The following PHACTR1 variants were observed in gnomAD, a reference collection of about 807,000 sequenced individuals.
PHACTR1 encodes RPEL repeat containing 1.
PHACTR1 carries 16 observed loss-of-function variants against 69.2 expected under a neutral mutation model. That is an observed-to-expected ratio of 0.23 (90% CI 0.16 to 0.35). PHACTR1 has a LOEUF of 0.35. PHACTR1 is among the 10% of genes least tolerant of loss of function. The pLI, the probability that PHACTR1 is intolerant of heterozygous loss-of-function variation, is 1.00. For missense variants in PHACTR1, 510 were observed against 734.7 expected (o/e 0.69, Z 3.54); for synonymous variants, 312 against 284.5 (o/e 1.10, Z -0.97).
At chr6:13,063,675 G>A (rs1346323709) in intron 5 of PHACTR1, among the ~76,000 whole-genome samples, 1 of 152,082 alleles carries the variant, frequency 6.6e-6, no homozygotes, top group Non-Finnish European at 1.5e-5. Context: ...AGCTGCTGGG[G>A]AGGCTAAGGT....
chr6:13,023,355 C>T (rs1203574753), intron 4 of PHACTR1, among the ~76,000 whole-genome samples: 1 of 152,182 alleles, frequency 6.6e-6, no homozygotes, highest in Non-Finnish European at 1.5e-5. Context: ...CTAATCCCCA[C>T]CTAAGAGTTA....
At chr6:12,818,213 T>TATTATTTCTC (rs796866169) in intron 4 of PHACTR1, among the ~76,000 whole-genome samples, 4 of 152,260 alleles carry the variant, frequency 2.6e-5, no homozygotes, top group African/African-American at 9.6e-5. Flanking sequence ...AAACAATGTT[T>TATTATTTCTC]ATTATTTCTC....
chr6:13,268,803 C>T (rs1328158255), intron 10 of PHACTR1, among the ~76,000 whole-genome samples: 1 of 152,184 alleles, frequency 6.6e-6, no homozygotes. Context: ...GCCCTTCTGG[C>T]GGGCTCAGCT....
chr6:13,162,275 TTTTGTTTGTTTG>T (rs144466160), intron 6 of PHACTR1, among the ~76,000 whole-genome samples: 7 of 149,730 alleles, frequency 4.7e-5, no homozygotes, highest in Non-Finnish European at 7.4e-5. Flanking sequence ...ACTTTTGTTT[TTTTGTTTGTTTG>T]TTTGTTTGTT....
intron 4 of PHACTR1, among the ~76,000 whole-genome samples, chr6:13,011,432 G>C (rs1799437181): frequency 6.6e-6 from 1 of 152,192 alleles, no homozygotes; most frequent in East Asian, 1.9e-4. Flanking sequence ...GACTCTCCCA[G>C]GTAAACTTCA....
In PHACTR1 at chr6:13,193,355, G is replaced by GTGTATA. The variant is rs1277926743; in HGVS notation, c.664+10671_664+10676dup. 2.4e-4 allele frequency among the ~76,000 whole-genome samples: 11 copies of GTGTATA among 45,078 alleles called. 2 individuals are homozygous for GTGTATA. The Admixed American group carries it at 2.6e-3, about 11-fold the overall frequency. The allele number at this position is 45,078 out of a possible 152,430, so 29.6% of individuals were successfully genotyped here. On this transcript the variant is annotated intron_variant, in intron 7 of 14. Transcript: ENST00000332995. ...ATATTCTACCTCTTAATAGCTCTCT[G>GTGTATA]TGTATATATATATATATATATATAT...
intron 12 of PHACTR1, among the ~76,000 whole-genome samples, chr6:13,279,111 C>T (rs983852761): frequency 4.7e-5 from 7 of 149,350 alleles, no homozygotes; most frequent in Admixed American, 1.3e-4. Context: ...GGCTAAATTA[C>T]GAAAGTACTG....
At chr6:13,181,659 G>A (rs1047603805) in intron 6 of PHACTR1, among the ~76,000 whole-genome samples, 11 of 152,128 alleles carry the variant, frequency 7.2e-5, no homozygotes, top group African/African-American at 2.7e-4. Context: ...GGTCGGCACC[G>A]GGAGAATTCT....
At chr6:12,921,792 GAAGA>G (rs1787730030) in intron 4 of PHACTR1, among the ~76,000 whole-genome samples, 1 of 139,126 alleles carries the variant, frequency 7.2e-6, no homozygotes, top group Admixed American at 7.1e-5. Flanking sequence ...GGGAGGGAGG[GAAGA>G]AGGAAGGGAG....
At chr6:12,966,641 G>T (rs563502504) in intron 4 of PHACTR1, among the ~76,000 whole-genome samples, 4 of 152,110 alleles carry the variant, frequency 2.6e-5, no homozygotes, top group Non-Finnish European at 4.4e-5. Flanking sequence ...CCACAGGAAG[G>T]TTGTTCTTCT....
At position 13,283,493 on chromosome 6, in the gene PHACTR1, G is replaced by T; in HGVS notation, c.1581G>T (p.Glu527Asp). The part of the protein sequence containing the change: ...KILIRFSDYV[E>D]VADAQDYDRR... ...TCATCCGCTTCAGTGACTACGTGGA[G>T]GTGGCTGACGCTCAGGACTATGACC... is the stretch of plus-strand genomic sequence containing the variant. Residue 527 changes from glutamate (E) to aspartate (D), a missense_variant, in exon 13 of 15, where the codon GAG (glutamate) becomes GAT (aspartate). Transcript: ENST00000332995. The surrounding 1 kb of genome is among the most constrained non-coding windows in gnomAD (Gnocchi z 4.7). 9 of 1,613,950 alleles carry T rather than the reference G, an allele frequency of 5.6e-6. No homozygotes were observed. Among genetic ancestry groups the T allele is most frequent in the Non-Finnish European group, 7.6e-6 (9 of 1,179,872 alleles).
intron 4 of PHACTR1, among the ~76,000 whole-genome samples, chr6:12,814,500 C>A (rs543514417): frequency 6.6e-6 from 1 of 152,218 alleles, no homozygotes; most frequent in Non-Finnish European, 1.5e-5. Flanking sequence ...TGGGAGCTAG[C>A]CAGTCTGCTC....
At chr6:13,068,011 C>T (rs779673057) in intron 5 of PHACTR1, among the ~76,000 whole-genome samples, 2 of 152,096 alleles carry the variant, frequency 1.3e-5, no homozygotes, top group Non-Finnish European at 2.9e-5. Flanking sequence ...TCATCTTTAA[C>T]ATAGGGATAA....
chr6:13,020,201 T>C (rs1800765344), intron 4 of PHACTR1, among the ~76,000 whole-genome samples: 1 of 151,910 alleles, frequency 6.6e-6, no homozygotes, highest in African/African-American at 2.4e-5. Flanking sequence ...AAAGAAGAAG[T>C]GAATTATAGA....
Position 12,999,892 on chromosome 6 carries a change from C to A in PHACTR1, c.251-53473C>A, listed in dbSNP as rs111493073. The stretch of plus-strand genomic sequence containing the variant: ...TGAAACACTAAAGCAGCTAGGACTC[C>A]ATGTTAACATTTCTAAACCTAAATA... On this transcript the variant is annotated intron_variant, in intron 4 of 14. Transcript: ENST00000332995. Among the ~76,000 whole-genome samples, 1,216 of 152,300 alleles carry A rather than the reference C, an allele frequency of 8.0e-3. 16 individuals carry two copies. The highest frequency in any genetic ancestry group is 0.028 in the African/African-American group (1,178 of 41,566).
intron 1 of PHACTR1, 29 bp from the exon 2 acceptor site, chr6:12,717,480 G>C (rs1187120576): frequency 6.6e-6 from 1 of 151,918 alleles, no homozygotes; most frequent in African/African-American, 2.4e-5. Context: ...AGTTTTACAC[G>C]GGAAACTGGT....
At chr6:13,177,771 G>T (rs1761594662) in intron 6 of PHACTR1, among the ~76,000 whole-genome samples, 1 of 152,186 alleles carries the variant, frequency 6.6e-6, no homozygotes, top group African/African-American at 2.4e-5. Context: ...GGGAGGAGCG[G>T]CAGGCTGGGG....
chr6:13,253,138 T>G (rs1468943990), intron 10 of PHACTR1: 1 of 388,030 alleles, frequency 2.6e-6, no homozygotes, highest in Non-Finnish European at 5.4e-6. Flanking sequence ...CTCAGCCCTC[T>G]CCTTGGGAAG....
At chr6:12,848,420 A>G (rs1428439356) in intron 4 of PHACTR1, among the ~76,000 whole-genome samples, 3 of 152,118 alleles carry the variant, frequency 2.0e-5, no homozygotes, top group Non-Finnish European at 4.4e-5. Context: ...TTTTTTCCCA[A>G]GCTTCTTTAG....
Sources: gnomAD v4.1 joint callset for allele counts (sites outside exome capture counted in the v4.1 genomes callset) on GRCh38, gnomAD v4.1.1 for gene constraint, Gnocchi (gnomAD v3.1) non-coding constraint, MANE v1.5 for transcripts, NCBI Gene and HGNC (gene_info 2026-07-23, HGNC 2026-07-21) for gene names.